Variants in TMPRSS11A observed in about 807,000 individuals in gnomAD.
The protein encoded by TMPRSS11A is transmembrane serine protease 11A, also known as transmembrane protease serine 11A.
TMPRSS11A carries 53 observed loss-of-function variants against 58.9 expected under a neutral mutation model. The ratio of observed to expected loss-of-function variants is 0.90; its 90% CI spans 0.72 to 1.13. The LOEUF (loss-of-function observed/expected upper bound fraction) is 1.13, where lower values mean the gene tolerates loss of function less well. Ranked by LOEUF, TMPRSS11A falls within the 50% of genes most tolerant of loss-of-function variation. The pLI is 0.00. For synonymous variants in TMPRSS11A, 167 were observed against 169.8 expected, an observed-to-expected ratio of 0.98 and a Z score of 0.13; for missense variants, 493 against 499.3, an observed-to-expected ratio of 0.99 and a Z score of 0.12.
intron 1 of TMPRSS11A, among the ~76,000 whole-genome samples, chr4:67,952,925 C>A (rs1328039121): frequency 6.6e-6 from 1 of 152,084 alleles, no homozygotes; most frequent in Non-Finnish European, 1.5e-5. Context: ...TTTAAATCAG[C>A]AGCCCCAACC....
intron 7 of TMPRSS11A, among the ~76,000 whole-genome samples, chr4:67,920,998 T>C (rs1403456353): frequency 6.6e-6 from 1 of 152,154 alleles, no homozygotes; most frequent in Non-Finnish European, 1.5e-5. Context: ...GTTTGGATAT[T>C]CTCCCTCATT....
chr4:67,913,298 C>T (rs1720039507), intron 9 of TMPRSS11A, among the ~76,000 whole-genome samples: 1 of 152,096 alleles, frequency 6.6e-6, no homozygotes, highest in African/African-American at 2.4e-5. Flanking sequence ...GAGAGAAAGA[C>T]TTATGGAGAA....
rs80073526 is a variant in TMPRSS11A, at chr4:67,929,288, A to G, written c.481+592T>C. Among the ~76,000 whole-genome samples, 543 of 152,272 alleles carry G rather than the reference A, an allele frequency of 3.6e-3. 6 individuals carry two copies. Among genetic ancestry groups the G allele is most frequent in the African/African-American group, 0.013 (520 of 41,562 alleles). Reference sequence around the variant, plus strand: ...TTCTCCTTAATTGAGGGAAGTGATAATGGTATAATGGGCTAAGGGTGAACA... The same window carrying G: ...TTCTCCTTAATTGAGGGAAGTGATAGTGGTATAATGGGCTAAGGGTGAACA... On this transcript the variant is annotated intron_variant, in intron 5 of 9. Coordinates refer to ENST00000508048, the MANE Select transcript of TMPRSS11A (RefSeq NM_001114387.2).
At chr4:67,946,002 G>A (rs1720994211) in intron 2 of TMPRSS11A, among the ~76,000 whole-genome samples, 1 of 152,038 alleles carries the variant, frequency 6.6e-6, no homozygotes, top group Admixed American at 6.6e-5. Flanking sequence ...TTAGACAAGT[G>A]TTTTTCTTTT....
intron 3 of TMPRSS11A, among the ~76,000 whole-genome samples, chr4:67,938,421 C>A (rs1201315851): frequency 6.6e-6 from 1 of 152,076 alleles, no homozygotes; most frequent in African/African-American, 2.4e-5. Context: ...TTAGGTCCAA[C>A]TTATCAATTT....
chr4:67,941,975 A>G (rs915142830), intron 3 of TMPRSS11A, among the ~76,000 whole-genome samples: 8 of 152,222 alleles, frequency 5.3e-5, no homozygotes, highest in African/African-American at 1.9e-4. Context: ...CAACCAACAC[A>G]CTATCAATAT....
intron 2 of TMPRSS11A, among the ~76,000 whole-genome samples, chr4:67,945,793 G>T (rs1252461051): frequency 6.6e-6 from 1 of 152,162 alleles, no homozygotes; most frequent in African/African-American, 2.4e-5. Context: ...TAAATGGCTT[G>T]CATTCTCCCC....
chr4:67,914,652 C>T lies in TMPRSS11A; in HGVS notation c.1031G>A (p.Gly344Asp), dbSNP rs745318520. 3 of 1,613,500 alleles carry T rather than the reference C, an allele frequency of 1.9e-6. No individual in the cohort carries two copies. Among genetic ancestry groups the T allele is most frequent in the Admixed American group, 3.3e-5 (2 of 60,010 alleles). The change falls in exon 9 of 10, where the codon GGC becomes GAC. Residue 344 changes from glycine to aspartate, a missense_variant. By Grantham distance (94) the Gly-to-Asp change is moderately conservative (BLOSUM62 -1). Coordinates refer to ENST00000508048, the MANE Select transcript of TMPRSS11A (RefSeq NM_001114387.2). The stretch of plus-strand genomic sequence containing the variant: ...GAACATTCCAGGTTTTATATCATTG[C>T]CATACACCTGTGGTTGCTTGCAGAC... The part of the protein sequence containing the change: ...DDVCKQPQVY[G>D]NDIKPGMFCA...
chr4:67,918,497 A>G (rs1720220583), intron 8 of TMPRSS11A, among the ~76,000 whole-genome samples: 1 of 152,218 alleles, frequency 6.6e-6, no homozygotes, highest in African/African-American at 2.4e-5. Flanking sequence ...CCTCCTAGAC[A>G]CAGCTGGAAC....
chr4:67,919,963 T>C (rs971775195), intron 7 of TMPRSS11A, among the ~76,000 whole-genome samples: 1 of 152,206 alleles, frequency 6.6e-6, no homozygotes, highest in African/African-American at 2.4e-5. Flanking sequence ...ATCTACTGGA[T>C]AATTAAGCCA....
chr4:67,913,744 C>G (rs1439443518), intron 9 of TMPRSS11A, among the ~76,000 whole-genome samples: 3 of 152,226 alleles, frequency 2.0e-5, no homozygotes, highest in Non-Finnish European at 2.9e-5. Flanking sequence ...CTCTATGTCA[C>G]ATAGGTCCCT....
In TMPRSS11A at chr4:67,919,019, T is replaced by C; in HGVS notation, c.906A>G (p.Pro302=). Residue 302 remains proline (P), a synonymous_variant, in exon 8 of 10, where the codon CCA becomes CCG. Coordinates refer to ENST00000508048, the MANE Select transcript of TMPRSS11A (RefSeq NM_001114387.2). The part of the protein sequence containing the change: ...CLPEASASFQ[P]NLTVHITGFG... ...ATCCTGTGATGTGGACAGTCAAATTTGGTTGGAAGGATGCAGAGGCTTCTG... is the reference window on the plus strand; with the variant it reads ...ATCCTGTGATGTGGACAGTCAAATTCGGTTGGAAGGATGCAGAGGCTTCTG... 1.9e-6 allele frequency: 3 copies of C among 1,614,124 alleles called. No homozygotes were observed. Among genetic ancestry groups the C allele is most frequent in the Non-Finnish European group, 2.5e-6 (3 of 1,180,014 alleles).
At chr4:67,919,855 T>G (rs1368466842) in intron 7 of TMPRSS11A, among the ~76,000 whole-genome samples, 2 of 152,038 alleles carry the variant, frequency 1.3e-5, no homozygotes, top group Non-Finnish European at 2.9e-5. Flanking sequence ...AGGGAAAGAA[T>G]GGTTGGGGGT....
chr4:67,916,037 C>G (rs918149877), intron 8 of TMPRSS11A, among the ~76,000 whole-genome samples: 1 of 152,160 alleles, frequency 6.6e-6, no homozygotes, highest in African/African-American at 2.4e-5. Context: ...TGACCAGCAT[C>G]TCCCTAACTC....
intron 7 of TMPRSS11A, among the ~76,000 whole-genome samples, chr4:67,921,360 G>C (rs1043338453): frequency 2.0e-5 from 3 of 152,026 alleles, no homozygotes; most frequent in African/African-American, 7.2e-5. Flanking sequence ...TTAAGATGGG[G>C]TCTTGCATTG....
At chr4:67,930,117 C>T (rs1468250563) in intron 4 of TMPRSS11A, 77 bp from the exon 5 acceptor site, 14 of 1,338,634 alleles carry the variant, frequency 1.0e-5, no homozygotes, top group South Asian at 3.0e-5. Flanking sequence ...GTATCTTCCT[C>T]CCCTGAATGA....
chr4:67,962,073 T>TA (rs1721443316), intron 1 of TMPRSS11A, among the ~76,000 whole-genome samples: 3 of 152,218 alleles, frequency 2.0e-5, no homozygotes, highest in Non-Finnish European at 4.4e-5. Context: ...TCACATTCAA[T>TA]ATACTTTAAT....
At chr4:67,947,298 A>G (rs1404604418) in intron 1 of TMPRSS11A, among the ~76,000 whole-genome samples, 1 of 152,188 alleles carries the variant, frequency 6.6e-6, no homozygotes, top group Non-Finnish European at 1.5e-5. Context: ...ATAATTACAC[A>G]TGATTTGTAA....
Position 67,919,094 on chromosome 4 carries a change from C to T in TMPRSS11A, c.831G>A (p.Gln277=). ...AAREYDIAVV[Q]VSSRVTFSDD... is the part of the protein sequence containing the mutation. ...CCGAAAAGGTGACTCTGGAAGAGACCTGCACAACAGCAATGTCGTACTCTC... is the reference window on the plus strand; with the variant it reads ...CCGAAAAGGTGACTCTGGAAGAGACTTGCACAACAGCAATGTCGTACTCTC... Residue 277 remains glutamine (Q), a synonymous_variant, in exon 8 of 10, where the codon CAG becomes CAA. Transcript: ENST00000508048. 1.9e-6 allele frequency: 3 copies of T among 1,614,154 alleles called. No individual in the cohort carries two copies. Among genetic ancestry groups the T allele is most frequent in the Non-Finnish European group, 2.5e-6 (3 of 1,180,020 alleles).
Sources: gnomAD v4.1 joint callset for allele counts (sites outside exome capture counted in the v4.1 genomes callset) on GRCh38, gnomAD v4.1.1 for gene constraint, MANE v1.5 for transcripts, NCBI Gene and HGNC (gene_info 2026-07-23, HGNC 2026-07-21) for gene names.